Variants in DGKB observed in about 807,000 individuals in gnomAD.
DGKB encodes 90 kDa diacylglycerol kinase.
Under a neutral mutation model 114.3 loss-of-function variants are expected in DGKB, and 67 were observed. That is an observed-to-expected ratio of 0.59 (90% CI 0.48 to 0.72). The LOEUF is 0.72. Ranked by LOEUF, DGKB falls within the 30% of genes least tolerant of loss-of-function variation. The pLI is 0.00. For synonymous variants in DGKB, 398 were observed against 323.1 expected (o/e 1.23, Z -2.49); for missense variants, 907 against 975.2 (o/e 0.93, Z 0.93).
intron 23 of DGKB, among the ~76,000 whole-genome samples, chr7:14,277,781 T>C (rs771265859): frequency 6.6e-6 from 1 of 152,240 alleles, no homozygotes; most frequent in Non-Finnish European, 1.5e-5. Context: ...TTTGGATATA[T>C]ACCCGAGGTA....
At chr7:14,674,687 A>T (rs1020165124) in intron 12 of DGKB, among the ~76,000 whole-genome samples, 7 of 152,042 alleles carry the variant, frequency 4.6e-5, no homozygotes, top group Admixed American at 4.6e-4. Context: ...AGAAGAGGGG[A>T]ATCTGGACAG....
At chr7:14,825,084 A>G (rs1412553998) in intron 2 of DGKB, among the ~76,000 whole-genome samples, 2 of 147,114 alleles carry the variant, frequency 1.4e-5, no homozygotes, top group Non-Finnish European at 3.0e-5. Flanking sequence ...GCAGAGATAT[A>G]TAGAGCATTA....
At chr7:14,485,511 A>C (rs1783670638) in intron 20 of DGKB, among the ~76,000 whole-genome samples, 1 of 152,124 alleles carries the variant, frequency 6.6e-6, no homozygotes, top group South Asian at 2.1e-4. Context: ...TACATGATTG[A>C]GAGCAAGTTA....
At chr7:14,172,656 G>T (rs1366010158) in intron 25 of DGKB, among the ~76,000 whole-genome samples, 1 of 152,040 alleles carries the variant, frequency 6.6e-6, no homozygotes, top group Non-Finnish European at 1.5e-5. Context: ...GAGATATGGG[G>T]AGGCAAATGA....
At chr7:14,529,940 A>G (rs923121734) in intron 20 of DGKB, among the ~76,000 whole-genome samples, 1 of 151,764 alleles carries the variant, frequency 6.6e-6, no homozygotes, top group African/African-American at 2.4e-5. Flanking sequence ...AAATGCTATA[A>G]GTAGTAACTT....
At chr7:14,969,648 A>G (rs1787348615) in intron 1 of DGKB, among the ~76,000 whole-genome samples, 1 of 152,116 alleles carries the variant, frequency 6.6e-6, no homozygotes, top group African/African-American at 2.4e-5. Flanking sequence ...GCTCGTTATG[A>G]GAGTCTAATG....
At chr7:14,418,200 T>A (rs1464842231) in intron 21 of DGKB, among the ~76,000 whole-genome samples, 1 of 103,708 alleles carries the variant, frequency 9.6e-6, no homozygotes, top group Non-Finnish European at 1.9e-5. Context: ...AAAAATTTTA[T>A]ATTTATAAAT....
intron 6 of DGKB, 67 bp from the exon 7 acceptor site, chr7:14,701,797 T>C: frequency 1.9e-6 from 2 of 1,067,026 alleles, no homozygotes; most frequent in Non-Finnish European, 1.4e-6. Flanking sequence ...TTAAAGTATA[T>C]TCATTAAAAT....
intron 15 of DGKB, among the ~76,000 whole-genome samples, chr7:14,617,950 T>A (rs923114659): frequency 3.3e-5 from 5 of 151,710 alleles, no homozygotes; most frequent in Admixed American, 1.3e-4. Flanking sequence ...TTTTACATCA[T>A]TTATTATCTA....
intron 13 of DGKB, among the ~76,000 whole-genome samples, chr7:14,638,035 C>T (rs933801140): frequency 3.9e-5 from 6 of 151,948 alleles, no homozygotes; most frequent in Admixed American, 6.6e-5. Context: ...AACTATATTG[C>T]TTAAATTATA....
chr7:14,818,665 C>A (rs1844493824), intron 2 of DGKB, among the ~76,000 whole-genome samples: 1 of 152,162 alleles, frequency 6.6e-6, no homozygotes, highest in African/African-American at 2.4e-5. Flanking sequence ...AATACAATCA[C>A]CTCCAGTCAG....
At chr7:14,856,316 T>A (rs1246820293) in intron 1 of DGKB, among the ~76,000 whole-genome samples, 1 of 152,122 alleles carries the variant, frequency 6.6e-6, no homozygotes, top group African/African-American at 2.4e-5. Context: ...AAGATTCTCA[T>A]TGAAATACAA....
At chr7:14,871,360 A>G (rs1021357559) in intron 1 of DGKB, among the ~76,000 whole-genome samples, 16 of 152,160 alleles carry the variant, frequency 1.1e-4, no homozygotes, top group Admixed American at 2.6e-4. Context: ...CATTCCTCCT[A>G]TTATCAGAGG....
intron 1 of DGKB, among the ~76,000 whole-genome samples, chr7:14,918,568 G>A (rs1784352429): frequency 6.6e-6 from 1 of 151,954 alleles, no homozygotes; most frequent in African/African-American, 2.4e-5. Flanking sequence ...ATATATACAG[G>A]ATGTATATGA....
At chr7:14,498,527 G>C (rs1219890448) in intron 20 of DGKB, among the ~76,000 whole-genome samples, 2 of 151,726 alleles carry the variant, frequency 1.3e-5, no homozygotes, top group African/African-American at 4.8e-5. Flanking sequence ...TAGAACTAAA[G>C]TGTTCTGAAT....
intron 21 of DGKB, among the ~76,000 whole-genome samples, chr7:14,392,995 G>GTTTTTTTTGTTTTTTTTTTTT (rs1821607992): frequency 1.7e-5 from 1 of 60,546 alleles, no homozygotes; most frequent in African/African-American, 4.8e-5. Flanking sequence ...TTTTGTTTTT[G>GTTTTTTTTGTTTTTTTTTTTT]TTTTTTTTTT....
At chr7:14,974,828 A>C (rs920598764), upstream of DGKB, 1 of 152,104 alleles carries the variant, frequency 6.6e-6, no homozygotes, top group Admixed American at 6.6e-5. Flanking sequence ...TATAGATGAC[A>C]TTTCCTTTTA....
intron 21 of DGKB, among the ~76,000 whole-genome samples, chr7:14,444,425 A>ACT (rs1410642285): frequency 1.5e-4 from 23 of 151,846 alleles, no homozygotes; most frequent in African/African-American, 5.5e-4. Flanking sequence ...GTTCATTAGA[A>ACT]ACATTATATA....
chr7:14,586,382 G>A (rs766552390), intron 17 of DGKB, among the ~76,000 whole-genome samples: 18 of 152,018 alleles, frequency 1.2e-4, no homozygotes, highest in Non-Finnish European at 2.2e-4. Context: ...AGAGATGTGA[G>A]GAAGCTGAAA....
Sources: allele counts gnomAD v4.1 joint callset (sites outside exome capture counted in the v4.1 genomes callset), GRCh38; gene constraint gnomAD v4.1.1; transcripts MANE v1.5; gene names NCBI Gene and HGNC (gene_info 2026-07-23, HGNC 2026-07-21).